The following GPBP1L1 variants were observed in gnomAD, a reference collection of about 807,000 sequenced individuals.
GPBP1L1 encodes vasculin-like protein 1.
In GPBP1L1, 23 loss-of-function variants were observed where a neutral mutation model predicts 52.5. That is an observed-to-expected ratio of 0.44 (90% CI 0.32 to 0.62). The LOEUF (loss-of-function observed/expected upper bound fraction) is 0.62. GPBP1L1 is among the 20% of genes least tolerant of loss of function. The pLI, the probability that GPBP1L1 is intolerant of heterozygous loss-of-function variation, is 0.06. For synonymous variants in GPBP1L1, 243 were observed against 203.1 expected, an observed-to-expected ratio of 1.20 and a Z score of -1.67; for missense variants, 596 against 579.3, an observed-to-expected ratio of 1.03 and a Z score of -0.30.
At chr1:45,629,952 G>A (rs1557692233) in intron 11 of GPBP1L1, among the ~76,000 whole-genome samples, 4 of 151,524 alleles carry the variant, frequency 2.6e-5, no homozygotes, top group Admixed American at 2.6e-4. Context: ...CTTGCAGTCT[G>A]GCTTTTTTTT....
intron 2 of GPBP1L1, among the ~76,000 whole-genome samples, chr1:45,663,959 T>A (rs1644977526): frequency 6.6e-6 from 1 of 151,792 alleles, no homozygotes; most frequent in East Asian, 1.9e-4. Context: ...CTTAGAACTT[T>A]TTTTTTTTCT....
intron 8 of GPBP1L1, among the ~76,000 whole-genome samples, chr1:45,637,563 C>T (rs1644612198): frequency 1.0e-5 from 1 of 99,942 alleles, no homozygotes; most frequent in South Asian, 3.8e-4. Context: ...CTTCATTCTA[C>T]CCCTGACTCA....
At position 45,684,554 on chromosome 1, in the gene GPBP1L1, T is replaced by C. The variant is rs553824831; in HGVS notation, c.-1098+1022A>G. ...AGCCACTGATGAGCAATCTAGTAAA[T>C]TGAATTCGCTCAAAATAAAGGTTTC... On this transcript the variant is annotated intron_variant, in intron 2 of 12. Coordinates refer to ENST00000355105, the MANE Select transcript of GPBP1L1 (RefSeq NM_021639.5). 4.6e-5 allele frequency among the ~76,000 whole-genome samples: 7 copies of C among 152,160 alleles called. No homozygotes were observed. In the East Asian group the frequency reaches 5.8e-4, roughly 13 times the overall value.
At chr1:45,665,240 C>T (rs778611407) in intron 2 of GPBP1L1, among the ~76,000 whole-genome samples, 14 of 151,754 alleles carry the variant, frequency 9.2e-5, no homozygotes, top group Non-Finnish European at 1.9e-4. Context: ...GCCGAGATCA[C>T]GCCATTGCAG....
At chr1:45,655,118 C>A (rs914158234) in intron 5 of GPBP1L1, 72 bp downstream of exon 5, 4 of 1,565,898 alleles carry the variant, frequency 2.6e-6, no homozygotes, top group Non-Finnish European at 3.5e-6. Context: ...AGATTACAGA[C>A]ATGTACCCAC....
At chr1:45,638,818 C>G (rs1018088357) in intron 8 of GPBP1L1, among the ~76,000 whole-genome samples, 3 of 152,090 alleles carry the variant, frequency 2.0e-5, no homozygotes, top group Admixed American at 6.5e-5. Flanking sequence ...AAATTATTCA[C>G]AGAGAGGATG....
intron 2 of GPBP1L1, among the ~76,000 whole-genome samples, chr1:45,678,793 C>T (rs1265105218): frequency 6.6e-6 from 1 of 152,112 alleles, no homozygotes; most frequent in Non-Finnish European, 1.5e-5. Context: ...TTTGGATCAG[C>T]TGGAGAAATT....
intron 6 of GPBP1L1, 76 bp downstream of exon 6, chr1:45,654,467 C>T: frequency 7.7e-7 from 1 of 1,304,682 alleles, no homozygotes; most frequent in Non-Finnish European, 1.1e-6. Flanking sequence ...CTGAAATGTT[C>T]TCATTACTAA....
intron 6 of GPBP1L1, chr1:45,651,132 C>T (rs1344258998): frequency 6.0e-6 from 3 of 500,668 alleles, no homozygotes; most frequent in Non-Finnish European, 1.2e-5. Context: ...GATGGCAGAT[C>T]TCATCGTATC....
At chr1:45,678,092 T>A (rs924716631) in intron 2 of GPBP1L1, among the ~76,000 whole-genome samples, 1 of 152,044 alleles carries the variant, frequency 6.6e-6, no homozygotes, top group Non-Finnish European at 1.5e-5. Context: ...ATATGAAACA[T>A]CCAGAATAGG....
chr1:45,672,936 G>A (rs193239864), intron 2 of GPBP1L1, among the ~76,000 whole-genome samples: 20 of 152,320 alleles, frequency 1.3e-4, no homozygotes, highest in South Asian at 8.3e-4. Flanking sequence ...AAGAGGGAAG[G>A]AACTGGAGAC....
At chr1:45,659,770 T>C (rs1466180168) in intron 3 of GPBP1L1, among the ~76,000 whole-genome samples, 3 of 151,974 alleles carry the variant, frequency 2.0e-5, no homozygotes, top group Admixed American at 1.3e-4. Flanking sequence ...CAAAACCTCA[T>C]CTGTACAAAA....
chr1:45,653,230 G>A (rs573268653), intron 6 of GPBP1L1, among the ~76,000 whole-genome samples: 20 of 152,246 alleles, frequency 1.3e-4, no homozygotes, highest in African/African-American at 4.8e-4. Flanking sequence ...GCGACTGATC[G>A]ATGTGCTACT....
intron 8 of GPBP1L1, chr1:45,635,168 T>C (rs917568761): frequency 9.9e-5 from 15 of 152,162 alleles, no homozygotes; most frequent in African/African-American, 3.6e-4. Flanking sequence ...ATAATAATTG[T>C]TACGCTGACT....
chr1:45,655,338 G>C lies in GPBP1L1; in HGVS notation c.61-19C>G, dbSNP rs1348588178. The C allele has an allele frequency of 1.2e-6, 2 of 1,613,302 alleles. No homozygotes were observed. The highest frequency in any genetic ancestry group is 2.2e-5 in the East Asian group (1 of 44,878). On this transcript the variant is annotated intron_variant, in intron 4 of 12. Coordinates refer to ENST00000355105, the MANE Select transcript of GPBP1L1 (RefSeq NM_021639.5). ...TAGGTGACTAAGATGATGAAGTATG[G>C]AGAGGCAAATGGATAAATAGCTATT...
Position 45,659,018 on chromosome 1 carries a change from A to C in GPBP1L1, c.60+10T>G. ...ATTTGAGAAGTTACTACAGGAATGG[A>C]GAACAGTACCTTAGCTGACTGTGGT... On this transcript the variant is annotated intron_variant, in intron 4 of 12. Transcript: ENST00000355105. The C allele has an allele frequency of 6.4e-7, 1 of 1,570,514 alleles. No homozygotes were observed. The highest frequency in any genetic ancestry group is 8.8e-7 in the Non-Finnish European group (1 of 1,140,348).
chr1:45,636,350 T>G (rs796132643), intron 8 of GPBP1L1, among the ~76,000 whole-genome samples: 11 of 152,318 alleles, frequency 7.2e-5, no homozygotes, highest in African/African-American at 2.6e-4. Context: ...TTGAACTAGG[T>G]GAATTTCATT....
intron 2 of GPBP1L1, among the ~76,000 whole-genome samples, chr1:45,674,085 A>C (rs1477889881): frequency 6.6e-6 from 1 of 152,144 alleles, no homozygotes; most frequent in East Asian, 1.9e-4. Context: ...AAAAAAAGAA[A>C]AAGTCAATAA....
In GPBP1L1 at chr1:45,633,868, C is replaced by T. The variant is rs371369502; in HGVS notation, c.886-221G>A. 4.3e-5 allele frequency: 28 copies of T among 648,562 alleles called. No individual in the cohort carries two copies. The African/African-American group carries it at 4.7e-4, about 11-fold the overall frequency. 40.2% of individuals were successfully genotyped at this position (648,562 alleles called of 1,614,324 possible). ...ACCTCTTTGATCTTTCTACAGACAT[C>T]AGCAGAATGCCAGTCTAACATAGGA... is the stretch of plus-strand genomic sequence containing the variant. On this transcript the variant is annotated intron_variant, in intron 9 of 12. Transcript: ENST00000355105.
Sources: allele counts gnomAD v4.1 joint callset (sites outside exome capture counted in the v4.1 genomes callset), GRCh38; gene constraint gnomAD v4.1.1; transcripts MANE v1.5; gene names NCBI Gene and HGNC (gene_info 2026-07-23, HGNC 2026-07-21).